Variants in DBN1 observed in about 807,000 individuals in gnomAD.
The protein encoded by DBN1 is drebrin 1.
In DBN1, 21 loss-of-function variants were observed where a neutral mutation model predicts 83.5. That is an observed-to-expected ratio of 0.25 (90% CI 0.18 to 0.36). DBN1 has a LOEUF of 0.36. DBN1 is among the 10% of genes least tolerant of loss of function. The pLI is 1.00. For missense variants in DBN1, 874 were observed against 935.7 expected (o/e 0.93, Z 0.86); for synonymous variants, 381 against 384.9 (o/e 0.99, Z 0.12).
intron 1 of DBN1, among the ~76,000 whole-genome samples, chr5:177,471,024 C>T (rs1757806528): frequency 6.6e-6 from 1 of 152,102 alleles, no homozygotes; most frequent in African/African-American, 2.4e-5. Context: ...GGGTCCAGCA[C>T]ACCGCATACC....
At chr5:177,459,036 C>A in intron 12 of DBN1, 62 bp downstream of exon 12, 1 of 1,540,122 alleles carries the variant, frequency 6.5e-7, no homozygotes, top group South Asian at 1.3e-5. Flanking sequence ...CCATGGCAAC[C>A]TGGGGCTCCC....
intron 8 of DBN1, among the ~76,000 whole-genome samples, chr5:177,461,984 C>T (rs1757075554): frequency 6.6e-6 from 1 of 152,220 alleles, no homozygotes; most frequent in East Asian, 1.9e-4. Flanking sequence ...TGACAGAGCC[C>T]TGGCGACATC....
In DBN1 at chr5:177,473,555, C is replaced by CGCGGACGGACGG; in HGVS notation, c.-46_-35dup. 7.9e-7 allele frequency: 1 copy of CGCGGACGGACGG among 1,265,754 alleles called. No homozygotes were observed. Among genetic ancestry groups the CGCGGACGGACGG allele is most frequent in the Non-Finnish European group, 1.0e-6 (1 of 986,884 alleles). The allele number at this position is 1,265,754 out of a possible 1,614,324, so 78.4% of individuals were successfully genotyped here. On this transcript the variant is annotated 5_prime_UTR_variant, in exon 1 of 15. Coordinates refer to ENST00000393565, the MANE Select transcript of DBN1 (RefSeq NM_001363541.2). ...CCGGACCGGGCCGAACGGACAGACG[C>CGCGGACGGACGG]GCGGACGGACGGGCGGACGGAGGAG...
intron 8 of DBN1, among the ~76,000 whole-genome samples, chr5:177,465,139 C>T (rs1282686812): frequency 3.3e-5 from 5 of 152,038 alleles, no homozygotes; most frequent in African/African-American, 7.2e-5. Flanking sequence ...GGCGACAGAG[C>T]GAGATTCCGT....
chr5:177,458,003 C>A, intron 13 of DBN1, 55 bp downstream of exon 13: 2 of 1,607,220 alleles, frequency 1.2e-6, no homozygotes, highest in South Asian at 1.1e-5. Context: ...AGGGCCAGCA[C>A]CCTGCTCAGC....
At position 177,464,263 on chromosome 5, in the gene DBN1, C is replaced by T. The variant is rs921618072; in HGVS notation, c.771+2509G>A. Among the ~76,000 whole-genome samples the T allele has an allele frequency of 6.9e-4, 101 of 145,980 alleles. 1 individual carries two copies. Among genetic ancestry groups the T allele is most frequent in the African/African-American group, 2.1e-3 (82 of 39,350 alleles). The stretch of plus-strand genomic sequence containing the variant: ...GAGTTCGAGACCAGCCTGACCAACA[C>T]GGTGAAACCCTGTCTCTACTAAAAA... On this transcript the variant is annotated intron_variant, in intron 8 of 14. Coordinates refer to ENST00000393565, the MANE Select transcript of DBN1 (RefSeq NM_001363541.2).
Position 177,458,047 on chromosome 5 carries a change from C to A in DBN1, c.1914+11G>T, listed in dbSNP as rs1756681589. ...CCTCCCATCCCTCCCACCAGGCAGT[C>A]CCTGCCGCACCTGGGTCCCCTCCTT... On this transcript the variant is annotated intron_variant, in intron 13 of 14. Coordinates refer to ENST00000393565, the MANE Select transcript of DBN1 (RefSeq NM_001363541.2). 1 of 1,613,586 alleles carries A rather than the reference C, an allele frequency of 6.2e-7. No individual in the cohort carries two copies. Among genetic ancestry groups the A allele is most frequent in the Non-Finnish European group, 8.5e-7 (1 of 1,179,976 alleles).
Position 177,466,713 on chromosome 5 carries a change from C to T in DBN1, c.771+59G>A, listed in dbSNP as rs1757463713. 1 of 1,586,960 alleles carries T rather than the reference C, an allele frequency of 6.3e-7. No individual in the cohort carries two copies. Among genetic ancestry groups the T allele is most frequent in the Non-Finnish European group, 8.7e-7 (1 of 1,155,466 alleles). ...CTGATCTCCCCACAAGGCCCAGGAA[C>T]ACAGGGACCATTCTCACTTCCCTGA... is the stretch of plus-strand genomic sequence containing the variant. On this transcript the variant is annotated intron_variant, in intron 8 of 14. Coordinates refer to ENST00000393565, the MANE Select transcript of DBN1 (RefSeq NM_001363541.2). The surrounding 1 kb of genome is among the most constrained non-coding windows in gnomAD (Gnocchi z 4.8).
At chr5:177,457,866 A>T in intron 13 of DBN1, 109 bp from the exon 14 acceptor site, 1 of 892,584 alleles carries the variant, frequency 1.1e-6, no homozygotes, top group Non-Finnish European at 1.7e-6. Context: ...AGTGGTTGCC[A>T]GGGAAACAAG....
At chr5:177,465,348 G>A (rs335468) in intron 8 of DBN1, among the ~76,000 whole-genome samples, 61,383 of 152,020 alleles carry the variant, frequency 0.4, 13,873 homozygotes, top group Non-Finnish European at 0.53. Context: ...AACACCGTGC[G>A]ATTCCACTGA....
rs138128239 is a variant in DBN1 at position 177,464,893 on chromosome 5, G to A, written c.771+1879C>T. Among the ~76,000 whole-genome samples the A allele has an allele frequency of 6.0e-3, 909 of 151,720 alleles. 10 individuals are homozygous for A. Among genetic ancestry groups the A allele is most frequent in the African/African-American group, 0.021 (852 of 41,370 alleles). ...AGGCAGGCCGGGTGCAGTGGCTCAC[G>A]CCTGTAATCCCAGCACTTTGGGTGG... On this transcript the variant is annotated intron_variant, in intron 8 of 14. Coordinates refer to ENST00000393565, the MANE Select transcript of DBN1 (RefSeq NM_001363541.2).
intron 1 of DBN1, chr5:177,472,626 C>T: frequency 2.4e-6 from 1 of 423,094 alleles, no homozygotes; most frequent in South Asian, 3.1e-5. Context: ...ATCTGTTCAC[C>T]CCTTCAGCCG....
At position 177,468,855 on chromosome 5, in the gene DBN1, G is replaced by A; in HGVS notation, c.131C>T (p.Ala44Val). ...GCTGGAATTCCTACCTCCTGATGCT[G>A]CAAGCTTGAGGTCATCGGAGCCATC... ...YEDGSDDLKL[A>V]ASGEGGLQEL... The change falls in exon 2 of 15, where the codon GCA becomes GTA. Residue 44 changes from alanine to valine, a missense_variant. This residue lies in a region of DBN1 where 82 missense variants were observed against 101.7 expected (regional missense o/e 0.81). Coordinates refer to ENST00000393565, the MANE Select transcript of DBN1 (RefSeq NM_001363541.2). 7.6e-7 allele frequency: 1 copy of A among 1,323,176 alleles called. No individual in the cohort carries two copies. Among genetic ancestry groups the A allele is most frequent in the South Asian group, 3.0e-5 (1 of 33,242 alleles). The allele number at this position is 1,323,176 out of a possible 1,614,324, so 82.0% of individuals were successfully genotyped here. A position where few individuals can be genotyped will look rare whatever the true frequency, so the allele number is the denominator to read the frequency against.
Position 177,467,909 on chromosome 5 carries a change from G to C in DBN1, c.256-92C>G. ...CTTCCCCGGGGTGGGAAGAGGGTGG[G>C]CTTCCCTCTCCACGGGTGTCAGAGG... On this transcript the variant is annotated intron_variant, in intron 3 of 14. Transcript: ENST00000393565. This position sits in a 1 kb window ranked among gnomAD's most constrained non-coding sequence, Gnocchi z 9.1. 1 of 1,488,022 alleles carries C rather than the reference G, an allele frequency of 6.7e-7. No homozygotes were observed. The allele number at this position is 1,488,022 out of a possible 1,614,324, so 92.2% of individuals were successfully genotyped here.
chr5:177,462,591 G>A (rs867362635), intron 8 of DBN1, among the ~76,000 whole-genome samples: 10 of 152,214 alleles, frequency 6.6e-5, no homozygotes, highest in South Asian at 2.1e-4. Context: ...AGCACAAGGC[G>A]GGCGCATGTT....
At chr5:177,463,758 G>T (rs1026751289) in intron 8 of DBN1, among the ~76,000 whole-genome samples, 1 of 152,174 alleles carries the variant, frequency 6.6e-6, no homozygotes, top group Non-Finnish European at 1.5e-5. Flanking sequence ...TTGATAACTG[G>T]TGAAAATAAA....
chr5:177,457,374 G>A lies in DBN1; in HGVS notation c.*59C>T. The A allele has an allele frequency of 6.8e-7, 1 of 1,467,966 alleles. No homozygotes were observed. 90.9% of individuals were successfully genotyped at this position (1,467,966 alleles called of 1,614,324 possible). A position where few individuals can be genotyped will look rare whatever the true frequency, so the allele number is the denominator to read the frequency against. ...GAATGCAGGCACGGCGGGCCGTCTG[G>A]CCAGAGGCTGATGCAGGTGGGCGGC... On this transcript the variant is annotated 3_prime_UTR_variant, in exon 15 of 15. Coordinates refer to ENST00000393565, the MANE Select transcript of DBN1 (RefSeq NM_001363541.2).
rs763580926 is a variant in DBN1 at position 177,466,936 on chromosome 5, G to A, written c.682C>T (p.Arg228Trp). The A allele has an allele frequency of 6.2e-6, 10 of 1,612,450 alleles. No individual in the cohort carries two copies. Among genetic ancestry groups the A allele is most frequent in the East Asian group, 2.2e-5 (1 of 44,872 alleles). The stretch of plus-strand genomic sequence containing the variant: ...CTGTGCTCCTCGATCTGCTGCTCCC[G>A]CTCCCGGTAGCGCCGCTCGCGCTCC... ...QEERERRYRE[R>W]EQQIEEHRRK... Residue 228 changes from arginine (R) to tryptophan (W), a missense_variant, in exon 7 of 15, where the codon CGG becomes TGG. Transcript: ENST00000393565. The surrounding 1 kb of genome is among the most constrained non-coding windows in gnomAD (Gnocchi z 4.8).
Position 177,458,644 on chromosome 5 carries a change from C to G in DBN1, c.1328G>C (p.Trp443Ser), listed in dbSNP as rs749145058. The G allele has an allele frequency of 6.3e-7, 1 of 1,595,596 alleles. No individual in the cohort carries two copies. Among genetic ancestry groups the G allele is most frequent in the Non-Finnish European group, 8.5e-7 (1 of 1,171,054 alleles). The change falls in exon 13 of 15, where the codon TGG becomes TCG. Residue 443 changes from tryptophan (W) to serine (S), a missense_variant. By Grantham distance (177) the Trp-to-Ser change is radical (BLOSUM62 -3). Coordinates refer to ENST00000393565, the MANE Select transcript of DBN1 (RefSeq NM_001363541.2). ...EETRAAAPQA[W>S]AGPMEEPPQA... ...AGGGGGCTCCTCCATGGGGCCGGCC[C>G]AGGCCTGAGGGGCTGCTGCTCTGGT...
Sources: gnomAD v4.1 joint callset for allele counts (sites outside exome capture counted in the v4.1 genomes callset) on GRCh38, gnomAD v4.1.1 for gene constraint, gnomAD v4.1.1 regional missense constraint, Gnocchi (gnomAD v3.1) non-coding constraint, MANE v1.5 for transcripts, NCBI Gene and HGNC (gene_info 2026-07-23, HGNC 2026-07-21) for gene names.